Variants in GJC1 observed in about 807,000 individuals in gnomAD.
GJC1 encodes the protein gap junction protein gamma 1.
In GJC1, 5 loss-of-function variants were observed where a neutral mutation model predicts 29.3. The ratio of observed to expected loss-of-function variants is 0.17; its 90% CI spans 0.09 to 0.36. The LOEUF (loss-of-function observed/expected upper bound fraction) is 0.36. Among genes scored for constraint, GJC1 ranks in the 10% least tolerant of loss-of-function variants. GJC1 has a pLI of 1.00. For synonymous variants in GJC1, 177 were observed against 183.3 expected, an observed-to-expected ratio of 0.97 and a Z score of 0.28; for missense variants, 310 against 496.2, an observed-to-expected ratio of 0.62 and a Z score of 3.56.
chr17:44,818,317 A>G (rs12940494), intron 1 of GJC1, among the ~76,000 whole-genome samples: 34 of 152,346 alleles, frequency 2.2e-4, no homozygotes, highest in Non-Finnish European at 4.1e-4. Context: ...GTTTAAAAGT[A>G]AAATAAAACA....
At chr17:44,796,020 C>T (rs2049781535), downstream of GJC1, among the ~76,000 whole-genome samples, 1 of 152,226 alleles carries the variant, frequency 6.6e-6, no homozygotes, top group African/African-American at 2.4e-5. Context: ...CCTCTGACTG[C>T]CCAGGCCAAA....
rs1404879339 is a variant in GJC1 at position 44,804,037 on chromosome 17, CCTT to C, written c.*587_*589del. 1 of 152,192 alleles carries C rather than the reference CCTT, an allele frequency of 6.6e-6. No individual in the cohort carries two copies. The highest frequency in any genetic ancestry group is 2.4e-5 in the African/African-American group (1 of 41,448). The allele number at this position is 152,192 out of a possible 1,614,324, so 9.4% of individuals were successfully genotyped here. A position where few individuals can be genotyped will look rare whatever the true frequency, so the allele number is the denominator to read the frequency against. ...TCACATAAAAGAAAGATCTCAACCT[CCTT>C]CTACTGTGAACTTGCTTTCCAAGAC... On this transcript the variant is annotated 3_prime_UTR_variant, in exon 3 of 3. Transcript: ENST00000592524.
At chr17:44,806,410 T>G (rs2049913871) in intron 2 of GJC1, among the ~76,000 whole-genome samples, 1 of 150,944 alleles carries the variant, frequency 6.6e-6, no homozygotes, top group African/African-American at 2.4e-5. Context: ...TGTTTTTTTT[T>G]TTTTTTTTTG....
intron 1 of GJC1, among the ~76,000 whole-genome samples, chr17:44,811,797 AG>A (rs1249142307): frequency 5.3e-5 from 8 of 151,924 alleles, no homozygotes; most frequent in Admixed American, 4.6e-4. Context: ...TGAGGTCGGG[AG>A]TTCGAGACTG....
intron 2 of GJC1, among the ~76,000 whole-genome samples, chr17:44,806,351 T>A (rs2049912320): frequency 6.6e-6 from 1 of 152,000 alleles, no homozygotes; most frequent in Admixed American, 6.6e-5. Flanking sequence ...AAAGGTAAAC[T>A]TGTAGCTACT....
intron 1 of GJC1, among the ~76,000 whole-genome samples, chr17:44,828,055 T>G (rs2050194837): frequency 6.6e-6 from 1 of 152,152 alleles, no homozygotes; most frequent in African/African-American, 2.4e-5. Flanking sequence ...TCTAAGATCC[T>G]CATTACTCAA....
chr17:44,818,743 C>T (rs748830448), intron 1 of GJC1, among the ~76,000 whole-genome samples: 23 of 151,536 alleles, frequency 1.5e-4, no homozygotes, highest in Non-Finnish European at 2.4e-4. Context: ...TGCAGTGAGC[C>T]GAGATTGTAC....
At chr17:44,814,070 T>C (rs1421990689) in intron 1 of GJC1, among the ~76,000 whole-genome samples, 4 of 152,184 alleles carry the variant, frequency 2.6e-5, no homozygotes, top group Admixed American at 1.3e-4. Flanking sequence ...GCAGAATATG[T>C]CACTGCCAAT....
intron 1 of GJC1, among the ~76,000 whole-genome samples, chr17:44,817,848 A>ACCATAATTC (rs2050061148): frequency 2.0e-5 from 3 of 152,142 alleles, no homozygotes; most frequent in Admixed American, 6.6e-5. Flanking sequence ...GTAAAGAATT[A>ACCATAATTC]CATTACCAAT....
chr17:44,818,217 A>C lies in GJC1; in HGVS notation c.-96-10748T>G, dbSNP rs575571985. On this transcript the variant is annotated intron_variant, in intron 1 of 2. Coordinates refer to ENST00000592524, the MANE Select transcript of GJC1 (RefSeq NM_005497.4). Reference sequence around the variant, plus strand: ...GACAAGAGCGAAACTCTGTCTCAAAAAAACAAACAAACAAACAAAAAAATG... The same window carrying C: ...GACAAGAGCGAAACTCTGTCTCAAACAAACAAACAAACAAACAAAAAAATG... Among the ~76,000 whole-genome samples the C allele has an allele frequency of 1.4e-4, 21 of 152,246 alleles. 1 individual carries two copies. The South Asian group carries it at 1.5e-3, about 11-fold the overall frequency.
Position 44,821,718 on chromosome 17 carries a change from A to AC in GJC1, c.-97+8343_-97+8344insG, listed in dbSNP as rs2050109453. On this transcript the variant is annotated intron_variant, in intron 1 of 2. Transcript: ENST00000592524. Reference sequence around the variant, plus strand: ...GTCTCAAAAAAAAAAAAAAAAAAAAAAAAAAAACAACAAAAAAACACCAAC... The same window carrying AC: ...GTCTCAAAAAAAAAAAAAAAAAAAAACAAAAAAACAACAAAAAAACACCAAC... Among the ~76,000 whole-genome samples the AC allele has an allele frequency of 3.1e-5, 4 of 128,922 alleles. 1 individual carries two copies. Among genetic ancestry groups the AC allele is most frequent in the Non-Finnish European group, 6.8e-5 (4 of 58,526 alleles). 84.6% of individuals were successfully genotyped at this position (128,922 alleles called of 152,430 possible). A position where few individuals can be genotyped will look rare whatever the true frequency, so the allele number is the denominator to read the frequency against.
upstream of GJC1, chr17:44,830,859 T>C: frequency 2.5e-6 from 1 of 395,728 alleles, no homozygotes; most frequent in Non-Finnish European, 4.5e-6. The surrounding 1 kb of genome is among the most constrained non-coding windows in gnomAD (Gnocchi z 4.3). Flanking sequence ...AGCAAGACCC[T>C]AATAGGCTAT....
chr17:44,805,445 G>A lies in GJC1; in HGVS notation c.373C>T (p.Arg125Trp), dbSNP rs751731188. 11 of 1,614,112 alleles carry A rather than the reference G, an allele frequency of 6.8e-6. No individual in the cohort carries two copies. Among genetic ancestry groups the A allele is most frequent in the African/African-American group, 4.0e-5 (3 of 75,032 alleles). Residue 125 changes from arginine (R) to tryptophan (W), a missense_variant, in exon 3 of 3, where the codon CGG becomes TGG. Transcript: ENST00000592524. This position sits in a 1 kb window ranked among gnomAD's most constrained non-coding sequence, Gnocchi z 5.1. ...TCCTCCTCCGTTTCTTCCAGAGCCCGGTGTTGTTTCCAGCGCATTGCATAG... is the reference window on the plus strand; with the variant it reads ...TCCTCCTCCGTTTCTTCCAGAGCCCAGTGTTGTTTCCAGCGCATTGCATAG... ...KPYAMRWKQH[R>W]ALEETEEDNE... is the part of the protein sequence containing the mutation.
chr17:44,822,922 T>C (rs1000424341), intron 1 of GJC1, among the ~76,000 whole-genome samples: 1 of 151,986 alleles, frequency 6.6e-6, no homozygotes. Context: ...GGAAGGAAAA[T>C]TTTGAATCCA....
downstream of GJC1, chr17:44,797,706 T>C (rs2049792720): frequency 6.6e-6 from 1 of 152,224 alleles, no homozygotes; most frequent in Non-Finnish European, 1.5e-5. Flanking sequence ...TTTCAAACTC[T>C]GTGTAGCAAA....
At chr17:44,808,854 G>C (rs1423635084) in intron 1 of GJC1, among the ~76,000 whole-genome samples, 1 of 152,166 alleles carries the variant, frequency 6.6e-6, no homozygotes, top group Non-Finnish European at 1.5e-5. Context: ...GAGGTGGGTG[G>C]ATCACCAGCA....
chr17:44,817,373 T>G lies in GJC1; in HGVS notation c.-96-9904A>C, dbSNP rs746849668. Among the ~76,000 whole-genome samples the G allele has an allele frequency of 3.0e-4, 45 of 151,490 alleles. 3 individuals carry two copies. Among genetic ancestry groups the G allele is most frequent in the Middle Eastern group, 6.9e-3 (2 of 290 alleles). On this transcript the variant is annotated intron_variant, in intron 1 of 2. Coordinates refer to ENST00000592524, the MANE Select transcript of GJC1 (RefSeq NM_005497.4). Reference sequence around the variant, plus strand: ...CATTACAGATGGAATTATGTACAGGTTCTATGTGACCCTAATCCCAGTCTT... The same window carrying G: ...CATTACAGATGGAATTATGTACAGGGTCTATGTGACCCTAATCCCAGTCTT...
intron 1 of GJC1, chr17:44,807,767 A>T (rs935825423): frequency 2.0e-5 from 3 of 152,178 alleles, no homozygotes; most frequent in African/African-American, 7.2e-5. Flanking sequence ...ACCTATAGGA[A>T]AAAGCCAAAG....
At chr17:44,816,985 C>A (rs552592338) in intron 1 of GJC1, among the ~76,000 whole-genome samples, 1 of 151,808 alleles carries the variant, frequency 6.6e-6, no homozygotes, top group Non-Finnish European at 1.5e-5. Flanking sequence ...CCAAGGCGGG[C>A]GGATCACCTG....
Sources: allele counts gnomAD v4.1 joint callset (sites outside exome capture counted in the v4.1 genomes callset), GRCh38; gene constraint gnomAD v4.1.1; non-coding constraint Gnocchi (gnomAD v3.1); transcripts MANE v1.5; gene names NCBI Gene and HGNC (gene_info 2026-07-23, HGNC 2026-07-21).